CNTN1: variants seen among roughly 807,000 people sequenced by gnomAD.
CNTN1 encodes the protein contactin 1, also known as contactin-1.
A neutral mutation model predicts 126.4 loss-of-function variants in CNTN1; 38 were observed. The observed-to-expected ratio is 0.30, with a 90% CI of 0.23 to 0.39. The LOEUF is 0.39. CNTN1 is among the 10% of genes least tolerant of loss of function. The pLI, the probability that CNTN1 is intolerant of heterozygous loss-of-function variation, is 1.00. For missense variants in CNTN1, 1,009 were observed against 1,248.4 expected (o/e 0.81, Z 2.89); for synonymous variants, 413 against 422.6 (o/e 0.98, Z 0.28).
intron 3 of CNTN1, among the ~76,000 whole-genome samples, chr12:40,911,075 TAA>T: frequency 6.6e-6 from 1 of 152,272 alleles, no homozygotes. Context: ...AGGCACTTTT[TAA>T]TTTATTTATT....
Position 41,016,683 on chromosome 12 carries a change from C to G in CNTN1, c.2186C>G (p.Pro729Arg). The G allele has an allele frequency of 6.2e-7, 1 of 1,601,422 alleles. No individual in the cohort carries two copies. The highest frequency in any genetic ancestry group is 8.6e-7 in the Non-Finnish European group (1 of 1,168,536). ...RNRELTITWA[P>R]LSREYHYGNN... ...CTCAATCTTTTAATTTCTATTTAGC[C>G]TTTGTCAAGAGAATACCACTATGGC... Residue 729 changes from proline to arginine, a missense_variant and splice_region_variant, in exon 19 of 24, where the codon CCT becomes CGT. Pro to Arg is a moderately radical substitution (Grantham distance 103, BLOSUM62 -2). Transcript: ENST00000551295.
chr12:40,725,233 C>A (rs984897014), intron 1 of CNTN1, among the ~76,000 whole-genome samples: 2 of 152,026 alleles, frequency 1.3e-5, no homozygotes, highest in East Asian at 1.9e-4. Context: ...GAAACCCTGT[C>A]TCTGCTAAAG....
chr12:40,980,352 G>C (rs747232512), intron 15 of CNTN1, among the ~76,000 whole-genome samples: 11 of 151,380 alleles, frequency 7.3e-5, no homozygotes, highest in African/African-American at 9.7e-5. Context: ...GCTGAGCTGG[G>C]AGGATCTCTT....
At chr12:40,749,897 T>A (rs1201065346) in intron 1 of CNTN1, among the ~76,000 whole-genome samples, 1 of 151,958 alleles carries the variant, frequency 6.6e-6, no homozygotes, top group African/African-American at 2.4e-5. Flanking sequence ...TTTTCACTAT[T>A]TTACGTATGT....
intron 10 of CNTN1, 110 bp from the exon 11 acceptor site, chr12:40,937,460 G>T: frequency 2.6e-6 from 2 of 763,546 alleles, no homozygotes; most frequent in East Asian, 2.6e-5. Flanking sequence ...GTAACAGTGG[G>T]GGCAGATGAA....
At chr12:40,831,079 A>T (rs901665187) in intron 1 of CNTN1, among the ~76,000 whole-genome samples, 1 of 144,166 alleles carries the variant, frequency 6.9e-6, no homozygotes, top group Non-Finnish European at 1.5e-5. Context: ...TATATACTAT[A>T]CATATACTAT....
intron 1 of CNTN1, among the ~76,000 whole-genome samples, chr12:40,764,786 A>C (rs1294268212): frequency 5.3e-5 from 8 of 152,210 alleles, no homozygotes; most frequent in Admixed American, 4.6e-4. Flanking sequence ...AATGTCCCTT[A>C]GAATTCCACC....
intron 1 of CNTN1, among the ~76,000 whole-genome samples, chr12:40,807,534 A>G (rs1940905630): frequency 3.9e-5 from 6 of 152,128 alleles, no homozygotes; most frequent in African/African-American, 2.4e-5. Flanking sequence ...AAAGCCTCTC[A>G]TTTTCAAGGA....
rs1379316505 is a variant in CNTN1 at position 40,833,945 on chromosome 12, T to C, written c.-76-74412T>C. ...AAATGCTAGTTTTGTTTACATAATG[T>C]CTTTAATATCTGATGAGGAACTACA... On this transcript the variant is annotated intron_variant, in intron 1 of 23. Transcript: ENST00000551295. 5.9e-5 allele frequency among the ~76,000 whole-genome samples: 9 copies of C among 152,350 alleles called. No individual in the cohort carries two copies. In the East Asian group the frequency reaches 1.7e-3, roughly 29 times the overall value.
chr12:40,905,877 A>C (rs966222916), intron 1 of CNTN1, among the ~76,000 whole-genome samples: 8 of 152,224 alleles, frequency 5.3e-5, no homozygotes, highest in Admixed American at 4.6e-4. Flanking sequence ...TACACATTTC[A>C]AAAATTTTCA....
intron 1 of CNTN1, among the ~76,000 whole-genome samples, chr12:40,696,218 A>G (rs1459760801): frequency 2.6e-5 from 4 of 152,222 alleles, no homozygotes; most frequent in Admixed American, 2.6e-4. Flanking sequence ...TTTCCCCATC[A>G]ATAGGCATCA....
intron 1 of CNTN1, among the ~76,000 whole-genome samples, chr12:40,774,766 CTTT>C: frequency 6.9e-6 from 1 of 145,558 alleles, no homozygotes; most frequent in Non-Finnish European, 1.5e-5. Flanking sequence ...TACTTTTGGC[CTTT>C]TTTTTTTATT....
At chr12:41,049,201 T>C (rs144045470) in intron 23 of CNTN1, among the ~76,000 whole-genome samples, 364 of 152,312 alleles carry the variant, frequency 2.4e-3, no homozygotes, top group Non-Finnish European at 3.8e-3. Flanking sequence ...CAGGACTCAG[T>C]ACGTCAGTAA....
intron 1 of CNTN1, among the ~76,000 whole-genome samples, chr12:40,905,582 G>A (rs1455977069): frequency 6.6e-6 from 1 of 151,944 alleles, no homozygotes; most frequent in Non-Finnish European, 1.5e-5. Flanking sequence ...TCAGGCTGGA[G>A]TACAGTTAGG....
At chr12:40,872,212 TTGTGTGTGTG>T (rs61187240) in intron 1 of CNTN1, among the ~76,000 whole-genome samples, 6,166 of 113,538 alleles carry the variant, frequency 0.054, 190 homozygotes, top group Non-Finnish European at 0.078. Context: ...GTTGCTTTGT[TTGTGTGTGTG>T]TGTGTGTGTG....
At position 40,792,701 on chromosome 12, in the gene CNTN1, G is replaced by A. The variant is rs868145113; in HGVS notation, c.-77+100109G>A. Among the ~76,000 whole-genome samples, 3 of 152,002 alleles carry A rather than the reference G, an allele frequency of 2.0e-5. No individual in the cohort carries two copies. The South Asian group carries it at 6.2e-4, about 32-fold the overall frequency. ...TCTTATATTTATTATTGAACTATGA[G>A]GTGTTGACTTTTGTGGGTCTTTTTA... is the stretch of plus-strand genomic sequence containing the variant. On this transcript the variant is annotated intron_variant, in intron 1 of 23. Transcript: ENST00000551295.
chr12:41,000,760 T>C (rs1394384064), intron 17 of CNTN1, among the ~76,000 whole-genome samples: 1 of 152,190 alleles, frequency 6.6e-6, no homozygotes, highest in East Asian at 1.9e-4. Flanking sequence ...ATTAGTTGTT[T>C]TTCCTGATTC....
intron 1 of CNTN1, among the ~76,000 whole-genome samples, chr12:40,740,660 G>A (rs954886401): frequency 6.6e-6 from 1 of 151,966 alleles, no homozygotes; most frequent in Admixed American, 6.6e-5. Context: ...GTTTTATTGT[G>A]TCCCCACCCA....
chr12:40,988,055 C>G (rs17128983), intron 16 of CNTN1, among the ~76,000 whole-genome samples: 1 of 151,928 alleles, frequency 6.6e-6, no homozygotes, highest in Admixed American at 6.6e-5. Context: ...AGGATTCACA[C>G]CTTCTGAGAT....
Sources: gnomAD v4.1 joint callset for allele counts (sites outside exome capture counted in the v4.1 genomes callset) on GRCh38, gnomAD v4.1.1 for gene constraint, MANE v1.5 for transcripts, NCBI Gene and HGNC (gene_info 2026-07-23, HGNC 2026-07-21) for gene names.